Variants in OVGP1 observed in about 807,000 individuals in gnomAD.
The protein encoded by OVGP1 is oviduct-specific glycoprotein.
Under a neutral mutation model 48.2 loss-of-function variants are expected in OVGP1, and 26 were observed. That is an observed-to-expected ratio of 0.54 (90% CI 0.40 to 0.75). The LOEUF is 0.75. Among genes scored for constraint, OVGP1 ranks in the 30% least tolerant of loss-of-function variants. OVGP1 has a pLI of 0.00. For synonymous variants in OVGP1, 294 were observed against 305.7 expected, an observed-to-expected ratio of 0.96 and a Z score of 0.40; for missense variants, 791 against 820.6, an observed-to-expected ratio of 0.96 and a Z score of 0.44.
In OVGP1 at chr1:111,416,406, T is replaced by G. The variant is rs199668696; in HGVS notation, c.1073A>C (p.Asp358Ala). 264 of 1,608,518 alleles carry G rather than the reference T, an allele frequency of 1.6e-4. No individual in the cohort carries two copies. Among genetic ancestry groups the G allele is most frequent in the Non-Finnish European group, 2.1e-4 (252 of 1,177,548 alleles). Residue 358 changes from aspartate (D) to alanine (A), a missense_variant, in exon 10 of 11, where the codon GAC becomes GCC. By Grantham distance (126) the Asp-to-Ala change is moderately radical. Transcript: ENST00000369732. ...HFGGAMVWTL[D>A]MDDVRGTFCG... is the part of the protein sequence containing the mutation. Reference sequence around the variant, plus strand: ...GAACGTGCCCCTGACGTCATCCATGTCCAATGTCCACACCATGGCCCCCCC... The same window carrying G: ...GAACGTGCCCCTGACGTCATCCATGGCCAATGTCCACACCATGGCCCCCCC...
At chr1:111,426,935 CTG>C in intron 2 of OVGP1, 125 bp downstream of exon 2, 3 of 1,569,410 alleles carry the variant, frequency 1.9e-6, no homozygotes, top group Non-Finnish European at 2.6e-6. Flanking sequence ...CTCTGAGAAA[CTG>C]TGTTGGATCA....
In OVGP1 at chr1:111,422,920, CA is replaced by C. The variant is rs1400129402; in HGVS notation, c.608+6del. On this transcript the variant is annotated splice_donor_region_variant and intron_variant, in intron 6 of 10. Transcript: ENST00000369732. ...TGTCCTGCCCCACCAAAGCAATATC[CA>C]CTCACCTTCCTAGAAAGCGCACATC... is the stretch of plus-strand genomic sequence containing the variant. 3 of 1,613,840 alleles carry C rather than the reference CA, an allele frequency of 1.9e-6. No homozygotes were observed. The highest frequency in any genetic ancestry group is 2.5e-6 in the Non-Finnish European group (3 of 1,179,952).
At chr1:111,426,178 T>C (rs960372638) in intron 3 of OVGP1, among the ~76,000 whole-genome samples, 1 of 152,032 alleles carries the variant, frequency 6.6e-6, no homozygotes, top group Non-Finnish European at 1.5e-5. Flanking sequence ...AAAGGCTGAG[T>C]TGGGTTTTGC....
chr1:111,426,891 A>C, intron 2 of OVGP1, 171 bp downstream of exon 2: 1 of 1,547,044 alleles, frequency 6.5e-7, no homozygotes, highest in Non-Finnish European at 8.7e-7. Context: ...CAAGGCACAC[A>C]GTCAGCGACA....
chr1:111,422,859 TG>T, intron 6 of OVGP1, 67 bp downstream of exon 6: 1 of 1,577,846 alleles, frequency 6.3e-7, no homozygotes, highest in Non-Finnish European at 8.7e-7. Flanking sequence ...TGGGAAGCTC[TG>T]GGGTTCTGAG....
intron 9 of OVGP1, among the ~76,000 whole-genome samples, chr1:111,417,579 G>A (rs1338983360): frequency 6.6e-6 from 1 of 152,090 alleles, no homozygotes; most frequent in Non-Finnish European, 1.5e-5. Context: ...AGACTTTTAT[G>A]CTACTTACAA....
At chr1:111,424,984 C>T (rs1652361778) in intron 4 of OVGP1, among the ~76,000 whole-genome samples, 1 of 152,212 alleles carries the variant, frequency 6.6e-6, no homozygotes, top group African/African-American at 2.4e-5. Context: ...TTCCTCTGTT[C>T]CAACCCTTTG....
At chr1:111,417,229 T>C (rs2101723031) in intron 9 of OVGP1, among the ~76,000 whole-genome samples, 1 of 152,368 alleles carries the variant, frequency 6.6e-6, no homozygotes, top group South Asian at 2.1e-4. Context: ...ATTGCTCTAC[T>C]GTTTAAAATT....
chr1:111,421,937 G>C (rs879746387), intron 6 of OVGP1, among the ~76,000 whole-genome samples: 1 of 152,136 alleles, frequency 6.6e-6, no homozygotes, highest in South Asian at 2.1e-4. Flanking sequence ...ATACACTCAG[G>C]CCTGATATAA....
At chr1:111,420,092 C>G (rs984152283) in intron 8 of OVGP1, among the ~76,000 whole-genome samples, 1 of 152,172 alleles carries the variant, frequency 6.6e-6, no homozygotes, top group Non-Finnish European at 1.5e-5. Flanking sequence ...CAAGTCTCTC[C>G]TGTTCATTAG....
In OVGP1 at chr1:111,415,075, C is replaced by T. The variant is rs769420234; in HGVS notation, c.1426G>A (p.Ala476Thr). 1.9e-6 allele frequency: 3 copies of T among 1,614,136 alleles called. No homozygotes were observed. The highest frequency in any genetic ancestry group is 3.3e-5 in the Admixed American group (2 of 60,036). ...TGACCCACAGAAGTCATGGTCATTG[C>T]CCCAGTGATCTCAGTCTTCTCTCCT... The part of the protein sequence containing the change: ...ALGEKTEITG[A>T]MTMTSVGHQS... The change falls in exon 11 of 11, where the codon GCA becomes ACA. Residue 476 changes from alanine to threonine, a missense_variant. Physicochemically the swap from Ala to Thr is moderately conservative, Grantham distance 58. Transcript: ENST00000369732.
At chr1:111,423,251 G>A (rs536110617) in intron 5 of OVGP1, among the ~76,000 whole-genome samples, 200 bp from the exon 6 acceptor site, 1 of 152,332 alleles carries the variant, frequency 6.6e-6, no homozygotes, top group South Asian at 2.1e-4. Context: ...CAATTGAGGG[G>A]TGGCAAGCAG....
At chr1:111,417,414 T>G (rs530452031) in intron 9 of OVGP1, among the ~76,000 whole-genome samples, 1 of 152,262 alleles carries the variant, frequency 6.6e-6, no homozygotes, top group African/African-American at 2.4e-5. Flanking sequence ...CAGTGCTCTC[T>G]GTCAAGTCTG....
chr1:111,419,789 T>C (rs148737350), intron 8 of OVGP1, 63 bp from the exon 9 acceptor site: 6 of 955,398 alleles, frequency 6.3e-6, no homozygotes, highest in Non-Finnish European at 1.0e-5. Context: ...CAAGAGACAG[T>C]TGTTCCTTGC....
chr1:111,426,381 T>A, intron 3 of OVGP1, 56 bp downstream of exon 3: 1 of 1,611,108 alleles, frequency 6.2e-7, no homozygotes. Context: ...AAATAGACTG[T>A]TATCTTATAC....
chr1:111,416,426 C>A lies in OVGP1; in HGVS notation c.1053G>T (p.Gly351=). The A allele has an allele frequency of 7.5e-6, 12 of 1,606,178 alleles. No homozygotes were observed. The highest frequency in any genetic ancestry group is 9.4e-6 in the Non-Finnish European group (11 of 1,176,288). ...AWFIRREHFG[G]AMVWTLDMDD... ...CCATGTCCAATGTCCACACCATGGC[C>A]CCCCCAAAATGCTCTCGCCTTATAA... is the stretch of plus-strand genomic sequence containing the variant. Residue 351 remains glycine (G), a synonymous_variant, in exon 10 of 11, where the codon GGG becomes GGT. Transcript: ENST00000369732.
At chr1:111,416,667 G>GAA (rs34687982) in intron 9 of OVGP1, 223 of 328,322 alleles carry the variant, frequency 6.8e-4, no homozygotes, top group African/African-American at 9.6e-4. Context: ...CCTCATTTGT[G>GAA]AAAAAAAAAA....
intron 9 of OVGP1, 24 bp from the exon 10 acceptor site, chr1:111,416,482 C>T: frequency 6.3e-7 from 1 of 1,590,022 alleles, no homozygotes; most frequent in Non-Finnish European, 8.6e-7. Flanking sequence ...AGTCAGTCAA[C>T]CTGCTGTACT....
chr1:111,416,000 G>A (rs1050672802), intron 10 of OVGP1, among the ~76,000 whole-genome samples: 7 of 152,218 alleles, frequency 4.6e-5, no homozygotes, highest in South Asian at 2.1e-4. Flanking sequence ...CCTTGCCCAT[G>A]AGAGTAAGAG....
Sources: gnomAD v4.1 joint callset for allele counts (sites outside exome capture counted in the v4.1 genomes callset) on GRCh38, gnomAD v4.1.1 for gene constraint, MANE v1.5 for transcripts, NCBI Gene and HGNC (gene_info 2026-07-23, HGNC 2026-07-21) for gene names.